The following KLF12 variants were observed in gnomAD, a reference collection of about 807,000 sequenced individuals.
KLF12 encodes the protein Krueppel-like factor 12.
In KLF12, 9 loss-of-function variants were observed where a neutral mutation model predicts 37.8. The observed-to-expected ratio is 0.24, with a 90% confidence interval of 0.14 to 0.42. The LOEUF (loss-of-function observed/expected upper bound fraction) is 0.42. Ranked by LOEUF, KLF12 falls within the 10% of genes least tolerant of loss-of-function variation. KLF12 has a pLI of 1.00. For missense variants in KLF12, 411 were observed against 516.0 expected (o/e 0.80, Z 1.97); for synonymous variants, 208 against 202.1 (o/e 1.03, Z -0.25).
At chr13:73,976,093 T>A (rs1185113173) in intron 2 of KLF12, among the ~76,000 whole-genome samples, 1 of 150,540 alleles carries the variant, frequency 6.6e-6, no homozygotes, top group Non-Finnish European at 1.5e-5. Context: ...AATAAGTCAT[T>A]AAAAAAAATG....
At chr13:73,907,428 T>C (rs1225091937) in intron 3 of KLF12, among the ~76,000 whole-genome samples, 2 of 152,180 alleles carry the variant, frequency 1.3e-5, no homozygotes, top group Non-Finnish European at 2.9e-5. Context: ...AAATTCTGCC[T>C]ACTTTCAAAA....
intron 5 of KLF12, among the ~76,000 whole-genome samples, chr13:73,786,027 C>T (rs1384317334): frequency 6.6e-6 from 1 of 152,116 alleles, no homozygotes; most frequent in African/African-American, 2.4e-5. Flanking sequence ...TTCCACCAAG[C>T]CAAAGCAAGA....
At chr13:74,055,526 T>C (rs1395425479) in intron 1 of KLF12, among the ~76,000 whole-genome samples, 1 of 152,188 alleles carries the variant, frequency 6.6e-6, no homozygotes, top group Non-Finnish European at 1.5e-5. Flanking sequence ...ACATATGATG[T>C]GCATCACCAT....
chr13:74,105,975 G>A (rs1478059770), intron 1 of KLF12, among the ~76,000 whole-genome samples: 2 of 152,088 alleles, frequency 1.3e-5, no homozygotes, highest in African/African-American at 4.8e-5. Flanking sequence ...GCAATTTCTT[G>A]TCAGCTTTAA....
At chr13:73,813,379 A>C in intron 4 of KLF12, 92 bp from the exon 5 acceptor site, 1 of 1,368,086 alleles carries the variant, frequency 7.3e-7, no homozygotes, top group Non-Finnish European at 1.0e-6. Context: ...ACTTCTGTGC[A>C]TATCATGCAA....
chr13:73,744,433 T>C (rs551529817), intron 6 of KLF12, among the ~76,000 whole-genome samples: 144 of 146,894 alleles, frequency 9.8e-4, no homozygotes, highest in African/African-American at 3.4e-3. Flanking sequence ...GTAGGTCTCC[T>C]GCAGGAGGGG....
At chr13:74,164,784 G>A in the KLF12 span, among the ~76,000 whole-genome samples, 3 of 152,194 alleles carry the variant, frequency 2.0e-5, no homozygotes, top group African/African-American at 7.2e-5. Context: ...AGGATATTAT[G>A]TTAAGGGAAA....
intron 2 of KLF12, among the ~76,000 whole-genome samples, chr13:73,969,174 C>G (rs547240537): frequency 6.6e-6 from 1 of 152,112 alleles, no homozygotes; most frequent in Non-Finnish European, 1.5e-5. Context: ...TAATTACTGA[C>G]GGGCCAGAAT....
rs552249088 is a variant in KLF12 at position 73,986,807 on chromosome 13, C to G, written c.33+8183G>C. Among the ~76,000 whole-genome samples, 5 of 152,202 alleles carry G rather than the reference C, an allele frequency of 3.3e-5. No individual in the cohort carries two copies. In the South Asian group the frequency reaches 1.0e-3, roughly 32 times the overall value. ...GAATGGACCAAGGAACCTGAGTAGG[C>G]TCTAGAGGCCGGTAAGGAAATGGAA... On this transcript the variant is annotated intron_variant, in intron 2 of 7. Coordinates refer to ENST00000377669, the MANE Select transcript of KLF12 (RefSeq NM_007249.5).
chr13:73,880,897 A>G (rs542940641), intron 3 of KLF12, among the ~76,000 whole-genome samples: 3 of 152,362 alleles, frequency 2.0e-5, no homozygotes, highest in African/African-American at 7.2e-5. Flanking sequence ...TAAAAAGACT[A>G]GACAATGTTA....
chr13:73,845,739 T>C, intron 4 of KLF12, 88 bp downstream of exon 4: 1 of 1,172,670 alleles, frequency 8.5e-7, no homozygotes, highest in Non-Finnish European at 1.2e-6. Flanking sequence ...TTAGATGTAG[T>C]GTTTGTATAC....
At chr13:74,136,265 G>GCA, upstream of KLF12, among the ~76,000 whole-genome samples, 1 of 152,302 alleles carries the variant, frequency 6.6e-6, no homozygotes, top group South Asian at 2.1e-4. Context: ...TGCGGTCTCT[G>GCA]TTCCGGGGAA....
At chr13:74,097,690 T>A (rs1162215789) in intron 1 of KLF12, among the ~76,000 whole-genome samples, 1 of 143,288 alleles carries the variant, frequency 7.0e-6, no homozygotes, top group Non-Finnish European at 1.5e-5. Flanking sequence ...AAATACAATT[T>A]TATATACATA....
At chr13:74,088,378 C>G (rs745981728) in intron 1 of KLF12, among the ~76,000 whole-genome samples, 17 of 151,944 alleles carry the variant, frequency 1.1e-4, no homozygotes, top group Non-Finnish European at 1.9e-4. Flanking sequence ...CAGACATATG[C>G]CACTATGCCT....
intron 3 of KLF12, among the ~76,000 whole-genome samples, chr13:73,917,504 GA>G (rs1888904883): frequency 6.6e-6 from 1 of 152,138 alleles, no homozygotes; most frequent in Non-Finnish European, 1.5e-5. Context: ...TGGCAACATA[GA>G]AGTATATTTA....
chr13:73,892,924 G>T (rs1241873281), intron 3 of KLF12, among the ~76,000 whole-genome samples: 1 of 151,508 alleles, frequency 6.6e-6, no homozygotes, highest in East Asian at 1.9e-4. Context: ...ATAATACATT[G>T]CTTTTGTTAT....
chr13:73,950,730 A>T (rs1444535867), intron 2 of KLF12, among the ~76,000 whole-genome samples: 5 of 152,226 alleles, frequency 3.3e-5, no homozygotes, highest in African/African-American at 1.2e-4. Flanking sequence ...AGGTATTAAC[A>T]TTATGAGGAG....
At chr13:74,221,758 C>T in the KLF12 span, among the ~76,000 whole-genome samples, 469 of 152,278 alleles carry the variant, frequency 3.1e-3, 3 homozygotes, top group African/African-American at 0.011. Context: ...CTGCTACCAT[C>T]ACCTGAGGGG....
intron 1 of KLF12, among the ~76,000 whole-genome samples, chr13:73,999,481 C>T (rs941815708): frequency 1.5e-4 from 23 of 152,192 alleles, no homozygotes; most frequent in African/African-American, 5.5e-4. Flanking sequence ...CGCCTGTAAT[C>T]CTAGTACTTT....
Sources: allele counts gnomAD v4.1 joint callset (sites outside exome capture counted in the v4.1 genomes callset), GRCh38; gene constraint gnomAD v4.1.1; transcripts MANE v1.5; gene names NCBI Gene and HGNC (gene_info 2026-07-23, HGNC 2026-07-21).